Variants in AGBL4 observed in about 807,000 individuals in gnomAD.
AGBL4 encodes cytosolic carboxypeptidase 6.
In AGBL4, 58 loss-of-function variants were observed where a neutral mutation model predicts 66.4. The observed-to-expected ratio is 0.87, with a 90% CI of 0.71 to 1.09. The LOEUF (loss-of-function observed/expected upper bound fraction) is 1.09, where lower values mean the gene tolerates loss of function less well. AGBL4 is among the 50% of genes least tolerant of loss of function. The probability of loss-of-function intolerance (pLI) is 0.00; values close to 1 mark genes in which losing one functional copy is unlikely to be tolerated. For synonymous variants in AGBL4, 234 were observed against 222.9 expected, an observed-to-expected ratio of 1.05 and a Z score of -0.44; for missense variants, 579 against 631.0, an observed-to-expected ratio of 0.92 and a Z score of 0.88.
chr1:49,684,973 G>C (rs1467834762), intron 3 of AGBL4, among the ~76,000 whole-genome samples: 2 of 152,108 alleles, frequency 1.3e-5, no homozygotes, highest in Non-Finnish European at 2.9e-5. Flanking sequence ...ATTGCATGTG[G>C]CTGGGATTTC....
At position 49,123,122 on chromosome 1, in the gene AGBL4, G is replaced by A. The variant is rs952924824; in HGVS notation, c.378-77322C>T. ...CCCGCCTTGGCCTCCCAAAGCGCTAGGATTACAGGCATGAGCCACTGCGCC... is the reference window on the plus strand; with the variant it reads ...CCCGCCTTGGCCTCCCAAAGCGCTAAGATTACAGGCATGAGCCACTGCGCC... On this transcript the variant is annotated intron_variant, in intron 4 of 13. Transcript: ENST00000371839. 2.0e-5 allele frequency among the ~76,000 whole-genome samples: 3 copies of A among 152,266 alleles called. No homozygotes were observed. The South Asian group carries it at 6.2e-4, about 32-fold the overall frequency.
chr1:49,389,787 G>A (rs999139871), intron 3 of AGBL4, among the ~76,000 whole-genome samples: 1 of 152,118 alleles, frequency 6.6e-6, no homozygotes, highest in Admixed American at 6.6e-5. Flanking sequence ...CATATGACAA[G>A]GAAATCAGAT....
At chr1:48,961,953 C>T in intron 5 of AGBL4, among the ~76,000 whole-genome samples, 1 of 152,188 alleles carries the variant, frequency 6.6e-6, no homozygotes, top group East Asian at 1.9e-4. Flanking sequence ...ATACCAATCC[C>T]TGGGTATGGA....
chr1:49,208,999 A>G (rs564445926), intron 4 of AGBL4, among the ~76,000 whole-genome samples: 1 of 152,246 alleles, frequency 6.6e-6, no homozygotes, highest in Admixed American at 6.5e-5. Flanking sequence ...GCTGGGCAGA[A>G]CAACTAAGCA....
chr1:49,518,875 G>T (rs1650039032), intron 3 of AGBL4, among the ~76,000 whole-genome samples: 1 of 152,046 alleles, frequency 6.6e-6, no homozygotes, highest in Admixed American at 6.6e-5. Context: ...ATCATTTGGA[G>T]ATTCACTTAA....
chr1:49,582,680 G>A (rs528846080), intron 3 of AGBL4, among the ~76,000 whole-genome samples: 96 of 152,270 alleles, frequency 6.3e-4, no homozygotes, highest in African/African-American at 2.3e-3. Flanking sequence ...CGTTTGTTAG[G>A]AGCTAGTATT....
chr1:48,544,057 T>C (rs1468689452), intron 11 of AGBL4, among the ~76,000 whole-genome samples: 2 of 152,154 alleles, frequency 1.3e-5, no homozygotes, highest in South Asian at 2.1e-4. Flanking sequence ...CAGTGCCTGA[T>C]GGGAGAAGGA....
rs910449054 is a variant in AGBL4 at position 49,157,684 on chromosome 1, T to C, written c.377+88086A>G. Reference sequence around the variant, plus strand: ...GTCCTCCACAATGGTTGAACTAATTTAAATTCCCACCAACAGTGTAAAAGC... The same window carrying C: ...GTCCTCCACAATGGTTGAACTAATTCAAATTCCCACCAACAGTGTAAAAGC... On this transcript the variant is annotated intron_variant, in intron 4 of 13. Transcript: ENST00000371839. 2.0e-5 allele frequency among the ~76,000 whole-genome samples: 3 copies of C among 152,214 alleles called. No individual in the cohort carries two copies. In the South Asian group the frequency reaches 6.2e-4, roughly 31 times the overall value.
At chr1:49,583,818 C>T (rs1999875) in intron 3 of AGBL4, among the ~76,000 whole-genome samples, 31,183 of 152,058 alleles carry the variant, frequency 0.21, 4,525 homozygotes, top group African/African-American at 0.41. Context: ...CCTATCATCT[C>T]TAGAACAGAA....
intron 1 of AGBL4, among the ~76,000 whole-genome samples, chr1:49,997,326 A>C (rs1270565466): frequency 1.3e-5 from 2 of 152,158 alleles, no homozygotes; most frequent in Admixed American, 1.3e-4. Flanking sequence ...CTAACACATA[A>C]GGACTCACAA....
At chr1:49,947,829 A>G (rs1225474036) in intron 1 of AGBL4, among the ~76,000 whole-genome samples, 1 of 147,592 alleles carries the variant, frequency 6.8e-6, no homozygotes, top group African/African-American at 2.5e-5. Flanking sequence ...AGAACTGATA[A>G]AAGACTTCTT....
chr1:49,985,490 G>C (rs60102752), intron 1 of AGBL4, among the ~76,000 whole-genome samples: 7 of 152,016 alleles, frequency 4.6e-5, no homozygotes, highest in African/African-American at 1.7e-4. Context: ...AAAATCACAA[G>C]TATAGACTTT....
At position 48,746,420 on chromosome 1, in the gene AGBL4, T is replaced by TCTTCAAGGTTCACGACGGTCC. The variant is rs527863449; in HGVS notation, c.635-83180_635-83179insGGACCGTCGTGAACCTTGAAG. Among the ~76,000 whole-genome samples, 196 of 152,246 alleles carry TCTTCAAGGTTCACGACGGTCC rather than the reference T, an allele frequency of 1.3e-3. 4 individuals carry two copies. In the East Asian group the frequency reaches 0.031, roughly 24 times the overall value. ...CTTGTACTCCACAGCCCACCCACTC[T>TCTTCAAGGTTCACGACGGTCC]CCTCAAGGTTCACGACGGTCCCCTC... On this transcript the variant is annotated intron_variant, in intron 6 of 13. Transcript: ENST00000371839.
chr1:49,604,116 T>C (rs986075243), intron 3 of AGBL4, among the ~76,000 whole-genome samples: 2 of 152,224 alleles, frequency 1.3e-5, no homozygotes, highest in African/African-American at 4.8e-5. Flanking sequence ...CTGGATCAAA[T>C]GGTAGATCTA....
chr1:49,380,599 A>G (rs1456719922), intron 3 of AGBL4, among the ~76,000 whole-genome samples: 4 of 152,172 alleles, frequency 2.6e-5, no homozygotes, highest in African/African-American at 9.7e-5. Context: ...AAACTATACT[A>G]CAAGGCTATA....
chr1:49,219,940 G>A (rs182959101), intron 4 of AGBL4, among the ~76,000 whole-genome samples: 1 of 151,950 alleles, frequency 6.6e-6, no homozygotes, highest in East Asian at 1.9e-4. Context: ...ATAATCTAAG[G>A]GTAGCTTCAA....
intron 4 of AGBL4, among the ~76,000 whole-genome samples, chr1:49,215,229 A>G (rs1648993861): frequency 6.6e-6 from 1 of 152,092 alleles, no homozygotes; most frequent in Non-Finnish European, 1.5e-5. Context: ...TGTTTGCATG[A>G]TTGATCAGTT....
At chr1:49,760,973 G>A (rs773087291) in intron 2 of AGBL4, among the ~76,000 whole-genome samples, 1 of 151,942 alleles carries the variant, frequency 6.6e-6, no homozygotes, top group African/African-American at 2.4e-5. Context: ...TGAACAATGA[G>A]AACACATGGA....
chr1:49,207,705 C>A (rs1031557795), intron 4 of AGBL4, among the ~76,000 whole-genome samples: 10 of 151,660 alleles, frequency 6.6e-5, no homozygotes, highest in African/African-American at 2.2e-4. Flanking sequence ...GATCCTCCCA[C>A]CTCAGCCCCC....
Sources: gnomAD v4.1 joint callset for allele counts (sites outside exome capture counted in the v4.1 genomes callset) on GRCh38, gnomAD v4.1.1 for gene constraint, MANE v1.5 for transcripts, NCBI Gene and HGNC (gene_info 2026-07-23, HGNC 2026-07-21) for gene names.